EXOC4: variants seen among roughly 807,000 people sequenced by gnomAD.
EXOC4 encodes the protein SEC8-like 1.
In EXOC4, 71 loss-of-function variants were observed where a neutral mutation model predicts 107.2. The ratio of observed to expected loss-of-function variants is 0.66; its 90% CI spans 0.55 to 0.81. EXOC4 has a LOEUF of 0.81. Ranked by LOEUF, EXOC4 falls within the 30% of genes least tolerant of loss-of-function variation. EXOC4 has a pLI of 0.00. For missense variants in EXOC4, 1,108 were observed against 1,189.6 expected, an observed-to-expected ratio of 0.93 and a Z score of 1.01; for synonymous variants, 456 against 441.2, an observed-to-expected ratio of 1.03 and a Z score of -0.42.
At chr7:133,466,721 A>G (rs1798737606) in intron 7 of EXOC4, among the ~76,000 whole-genome samples, 1 of 152,228 alleles carries the variant, frequency 6.6e-6, no homozygotes, top group South Asian at 2.1e-4. Context: ...GTATTATAGA[A>G]AACTGTAGAG....
chr7:133,741,970 C>T (rs1585115552), intron 10 of EXOC4, among the ~76,000 whole-genome samples: 1 of 152,124 alleles, frequency 6.6e-6, no homozygotes, highest in East Asian at 1.9e-4. Flanking sequence ...AATCCATTTG[C>T]CCTTTTATGA....
chr7:133,448,574 G>T (rs1213531138), intron 7 of EXOC4, among the ~76,000 whole-genome samples: 2 of 152,220 alleles, frequency 1.3e-5, no homozygotes, highest in East Asian at 3.9e-4. Flanking sequence ...ATCCCCAAGT[G>T]CTGTGGTTAT....
chr7:133,691,644 T>A lies in EXOC4; in HGVS notation c.1514+61503T>A, dbSNP rs145544496. On this transcript the variant is annotated intron_variant, in intron 10 of 17. Coordinates refer to ENST00000253861, the MANE Select transcript of EXOC4 (RefSeq NM_021807.4). ...GGAGAGACAGATAATAAACAAGAAG[T>A]AAGCGAGCAAAAATATCAGATACTT... 6.2e-3 allele frequency among the ~76,000 whole-genome samples: 939 copies of A among 152,096 alleles called. 11 individuals carry two copies. Among genetic ancestry groups the A allele is most frequent in the African/African-American group, 0.022 (896 of 41,478 alleles).
At chr7:133,759,164 T>C (rs1049521953) in intron 10 of EXOC4, among the ~76,000 whole-genome samples, 1 of 143,226 alleles carries the variant, frequency 7.0e-6, no homozygotes, top group Non-Finnish European at 1.5e-5. Flanking sequence ...TTTTTTTTTG[T>C]TAGAGATGGT....
intron 7 of EXOC4, among the ~76,000 whole-genome samples, chr7:133,389,784 T>C (rs1350935188): frequency 1.3e-5 from 2 of 150,736 alleles, no homozygotes; most frequent in Non-Finnish European, 2.9e-5. Context: ...CTGGGCAATT[T>C]ACAAAGAAAG....
At chr7:133,976,325 T>C (rs1450200124) in intron 14 of EXOC4, among the ~76,000 whole-genome samples, 2 of 152,206 alleles carry the variant, frequency 1.3e-5, no homozygotes, top group African/African-American at 4.8e-5. Context: ...ATAAGACAAG[T>C]TGTGATAAGA....
intron 10 of EXOC4, among the ~76,000 whole-genome samples, chr7:133,677,372 A>G (rs112736633): frequency 7.3e-4 from 111 of 152,246 alleles, no homozygotes; most frequent in African/African-American, 2.6e-3. Context: ...ATCTTTAGAC[A>G]CTTCCATCTT....
At chr7:133,433,488 T>C (rs551408752) in intron 7 of EXOC4, among the ~76,000 whole-genome samples, 2 of 152,336 alleles carry the variant, frequency 1.3e-5, no homozygotes, top group South Asian at 4.1e-4. Context: ...GCTCTGGACC[T>C]GATCTGCAGC....
chr7:134,076,292 T>C, the EXOC4 span, among the ~76,000 whole-genome samples: 2 of 152,026 alleles, frequency 1.3e-5, no homozygotes, highest in Non-Finnish European at 2.9e-5. Flanking sequence ...CCGAGGCAGG[T>C]GGATGACGAG....
At chr7:133,541,153 A>T (rs1471597853) in intron 9 of EXOC4, among the ~76,000 whole-genome samples, 1 of 152,184 alleles carries the variant, frequency 6.6e-6, no homozygotes, top group African/African-American at 2.4e-5. Flanking sequence ...TACCTTTTTC[A>T]TATTGAAAAT....
intron 7 of EXOC4, among the ~76,000 whole-genome samples, chr7:133,470,746 A>G (rs1798854416): frequency 6.6e-6 from 1 of 152,198 alleles, no homozygotes; most frequent in African/African-American, 2.4e-5. Context: ...GATATGAAGG[A>G]ATTGAGAGCC....
intron 15 of EXOC4, among the ~76,000 whole-genome samples, chr7:134,003,064 G>A (rs1394058340): frequency 1.3e-5 from 2 of 152,168 alleles, no homozygotes. Flanking sequence ...AACCTGGAAA[G>A]AATCTAAATA....
chr7:133,361,838 C>T (rs911743302), intron 6 of EXOC4, among the ~76,000 whole-genome samples: 1 of 152,110 alleles, frequency 6.6e-6, no homozygotes, highest in East Asian at 1.9e-4. Flanking sequence ...GATATAGATA[C>T]AATAAGCCAT....
chr7:133,441,242 A>G (rs1265940091), intron 7 of EXOC4, among the ~76,000 whole-genome samples: 3 of 152,180 alleles, frequency 2.0e-5, no homozygotes, highest in African/African-American at 7.2e-5. Flanking sequence ...TACCAGAAAG[A>G]GAGTTAGGAA....
At chr7:133,522,801 A>G (rs1800004676) in intron 9 of EXOC4, among the ~76,000 whole-genome samples, 1 of 152,164 alleles carries the variant, frequency 6.6e-6, no homozygotes, top group South Asian at 2.1e-4. Flanking sequence ...ATCTTTGCAT[A>G]CACAAGATTT....
intron 17 of EXOC4, among the ~76,000 whole-genome samples, chr7:134,049,796 G>A (rs1795739628): frequency 6.6e-6 from 1 of 152,212 alleles, no homozygotes; most frequent in Admixed American, 6.5e-5. Context: ...CATTGATGCT[G>A]AAATATTTGT....
At chr7:133,299,690 A>C (rs1220836013) in intron 3 of EXOC4, among the ~76,000 whole-genome samples, 2 of 152,184 alleles carry the variant, frequency 1.3e-5, no homozygotes, top group Non-Finnish European at 2.9e-5. Flanking sequence ...ATTCACAAGT[A>C]AAGGGCCTTT....
intron 3 of EXOC4, among the ~76,000 whole-genome samples, chr7:133,300,489 A>G (rs186015361): frequency 6.6e-6 from 1 of 152,190 alleles, no homozygotes; most frequent in Admixed American, 6.5e-5. Flanking sequence ...TTCACGTCCC[A>G]TACTCTTATT....
intron 3 of EXOC4, among the ~76,000 whole-genome samples, chr7:133,296,310 A>G (rs1480123945): frequency 1.3e-5 from 2 of 152,152 alleles, no homozygotes; most frequent in Non-Finnish European, 2.9e-5. Context: ...TATGTTAAGT[A>G]CTATGGAGAA....
Sources: allele counts gnomAD v4.1 joint callset (sites outside exome capture counted in the v4.1 genomes callset), GRCh38; gene constraint gnomAD v4.1.1; transcripts MANE v1.5; gene names NCBI Gene and HGNC (gene_info 2026-07-23, HGNC 2026-07-21).